Variants in SHKBP1 observed in about 807,000 individuals in gnomAD.
The protein encoded by SHKBP1 is SH3KBP1-binding protein 1.
SHKBP1 carries 71 observed loss-of-function variants against 83.9 expected under a neutral mutation model. The ratio of observed to expected loss-of-function variants is 0.85; its 90% CI spans 0.70 to 1.03. SHKBP1 has a LOEUF of 1.03. Ranked by LOEUF, SHKBP1 falls within the 50% of genes least tolerant of loss-of-function variation. The pLI is 0.00. For missense variants in SHKBP1, 824 were observed against 982.4 expected, an observed-to-expected ratio of 0.84 and a Z score of 2.16; for synonymous variants, 371 against 398.0, an observed-to-expected ratio of 0.93 and a Z score of 0.81.
chr19:40,580,735 C>T lies in SHKBP1; in HGVS notation c.654-11C>T, dbSNP rs771381252. On this transcript the variant is annotated splice_polypyrimidine_tract_variant and intron_variant, in intron 8 of 17. Transcript: ENST00000291842. ...GCGGTGAGGGTTGGTGATGTCCCCT[C>T]GATCCTACAGGTTGAAGGAAGCCTC... 23 of 1,612,558 alleles carry T rather than the reference C, an allele frequency of 1.4e-5. No homozygotes were observed. The highest frequency in any genetic ancestry group is 3.3e-5 in the Admixed American group (2 of 59,924).
chr19:40,590,967 C>T lies in SHKBP1; in HGVS notation c.1893-9C>T, dbSNP rs1272897145. 59 of 1,597,538 alleles carry T rather than the reference C, an allele frequency of 3.7e-5. No individual in the cohort carries two copies. The highest frequency in any genetic ancestry group is 4.8e-5 in the Non-Finnish European group (56 of 1,167,430). On this transcript the variant is annotated splice_polypyrimidine_tract_variant and intron_variant, in intron 17 of 17. Transcript: ENST00000291842. This position sits in a 1 kb window ranked among gnomAD's most constrained non-coding sequence, Gnocchi z 4.6. ...TGATGACGTGCACTTACTGTCCTTA[C>T]TTCCTCAGCCTCCACTCAGCCTCCA...
Position 40,591,141 on chromosome 19 carries a change from G to A in SHKBP1, c.2058G>A (p.Trp686Ter). ...GACGGCCACCCACACCAGCCCCGTG[G>A]CCCTCCAGCGGTCTCGGCACTCCCC... The part of the protein sequence containing the change: ...DLRRPPTPAP[W>*]PSSGLGTPLT... The change falls in exon 18 of 18, where the codon TGG (tryptophan) becomes TGA (stop). Residue 686 changes from tryptophan (W) to a stop codon, truncating the protein, a stop_gained. Coordinates refer to ENST00000291842, the MANE Select transcript of SHKBP1 (RefSeq NM_138392.4). LOFTEE classifies it high-confidence loss of function. 6.2e-7 allele frequency: 1 copy of A among 1,606,652 alleles called. No individual in the cohort carries two copies. Among genetic ancestry groups the A allele is most frequent in the Non-Finnish European group, 8.5e-7 (1 of 1,174,018 alleles).
rs866514678 is a variant in SHKBP1, at chr19:40,588,688, C to T, written c.1401C>T (p.Thr467=). ...CTCGCTTCCGCGGCATGATTTCCAC[C>T]CAGCCCGGCTCCACCCCACTCGCTT... ...SVTRFRGMIS[T]QPGSTPLASF... Residue 467 remains threonine, a synonymous_variant, in exon 14 of 18, where the codon ACC becomes ACT. Transcript: ENST00000291842. 7.4e-6 allele frequency: 12 copies of T among 1,614,072 alleles called. No individual in the cohort carries two copies. In the Middle Eastern group the frequency reaches 1.2e-3, roughly 155 times the overall value.
chr19:40,582,129 C>T (rs2081274988), intron 9 of SHKBP1, among the ~76,000 whole-genome samples: 1 of 152,092 alleles, frequency 6.6e-6, no homozygotes, highest in Admixed American at 6.6e-5. Context: ...ATCATGTTGG[C>T]CAGGCTGGTC....
Position 40,586,883 on chromosome 19 carries a change from C to T in SHKBP1, c.1275C>T (p.Thr425=), listed in dbSNP as rs756387357. The T allele has an allele frequency of 6.2e-7, 1 of 1,612,860 alleles. No homozygotes were observed. The highest frequency in any genetic ancestry group is 8.5e-7 in the Non-Finnish European group (1 of 1,179,272). ...TVGSGPQLFQ[T]FTVHRSPVTK... is the part of the protein sequence containing the mutation. Reference sequence around the variant, plus strand: ...GCTCGGGGCCTCAGCTCTTCCAGACCTTCACTGTGCACCGCAGCCCTGTCA... The same window carrying T: ...GCTCGGGGCCTCAGCTCTTCCAGACTTTCACTGTGCACCGCAGCCCTGTCA... The change falls in exon 13 of 18, where the codon ACC becomes ACT. Residue 425 remains threonine (T), a synonymous_variant. Transcript: ENST00000291842.
intron 13 of SHKBP1, 35 bp downstream of exon 13, chr19:40,586,979 G>C (rs767689748): frequency 6.4e-7 from 1 of 1,553,440 alleles, no homozygotes; most frequent in South Asian, 1.2e-5. Context: ...TGCTGGGAGA[G>C]ACAGCTCAGA....
rs375316977 is a variant in SHKBP1, at chr19:40,577,640, G to C, written c.260+10G>C. 9 of 1,613,884 alleles carry C rather than the reference G, an allele frequency of 5.6e-6. No homozygotes were observed. In the African/African-American group the frequency reaches 1.2e-4, roughly 22 times the overall value. The stretch of plus-strand genomic sequence containing the variant: ...AAGAGTTGGATCCCAGGTTGGCATG[G>C]AAAAAGGGGAGGGAGTCCCTCACTG... On this transcript the variant is annotated intron_variant, in intron 4 of 17. Coordinates refer to ENST00000291842, the MANE Select transcript of SHKBP1 (RefSeq NM_138392.4).
intron 14 of SHKBP1, 92 bp downstream of exon 14, chr19:40,588,871 C>A: frequency 1.3e-6 from 2 of 1,510,064 alleles, no homozygotes; most frequent in South Asian, 1.2e-5. Context: ...CCACCTGACC[C>A]AGGAGCCTGC....
rs777768093 is a variant in SHKBP1 at position 40,580,412 on chromosome 19, G to A, written c.489G>A (p.Thr163=). 1.1e-5 allele frequency: 18 copies of A among 1,614,196 alleles called. No homozygotes were observed. The highest frequency in any genetic ancestry group is 1.2e-5 in the Non-Finnish European group (14 of 1,180,032). ...GRPAPVRRSN[T]MPPNLGNAGL... Reference sequence around the variant, plus strand: ...CAGCCCCTGTCCGACGGAGCAACACGATGCCCCCCAACCTTGGCAATGCAG... The same window carrying A: ...CAGCCCCTGTCCGACGGAGCAACACAATGCCCCCCAACCTTGGCAATGCAG... Residue 163 remains threonine, a synonymous_variant, in exon 7 of 18, where the codon ACG becomes ACA. Coordinates refer to ENST00000291842, the MANE Select transcript of SHKBP1 (RefSeq NM_138392.4).
chr19:40,587,903 C>T (rs1201397074), intron 13 of SHKBP1, among the ~76,000 whole-genome samples: 1 of 152,114 alleles, frequency 6.6e-6, no homozygotes, highest in African/African-American at 2.4e-5. Context: ...GACTCTATCT[C>T]ATAAAATATT....
chr19:40,580,671 A>G lies in SHKBP1; in HGVS notation c.653+15A>G. ...GTCTGCTACAGGTGCTTGGGGAGGG[A>G]GTGGCAGGAGGTCCCAGCCCTGTTG... On this transcript the variant is annotated intron_variant, in intron 8 of 17. Transcript: ENST00000291842. The G allele has an allele frequency of 1.9e-6, 3 of 1,613,874 alleles. No homozygotes were observed. The highest frequency in any genetic ancestry group is 2.5e-6 in the Non-Finnish European group (3 of 1,179,946).
intron 12 of SHKBP1, among the ~76,000 whole-genome samples, 187 bp downstream of exon 12, chr19:40,583,904 A>ATG (rs2081291162): frequency 6.6e-6 from 1 of 151,768 alleles, no homozygotes; most frequent in Admixed American, 6.6e-5. Flanking sequence ...GCAGTGGTGC[A>ATG]ATCTTGGCTC....
chr19:40,585,427 CT>C lies in SHKBP1; in HGVS notation c.1166-1337del, dbSNP rs143651548. 6.6e-3 allele frequency: 969 copies of C among 147,496 alleles called. 14 individuals carry two copies. Among genetic ancestry groups the C allele is most frequent in the African/African-American group, 0.023 (916 of 40,352 alleles). The allele number at this position is 147,496 out of a possible 1,614,324, so 9.1% of individuals were successfully genotyped here. A position where few individuals can be genotyped will look rare whatever the true frequency, so the allele number is the denominator to read the frequency against. On this transcript the variant is annotated intron_variant, in intron 12 of 17. Coordinates refer to ENST00000291842, the MANE Select transcript of SHKBP1 (RefSeq NM_138392.4). ...GGCCATAGCTGCTGCTGCTGCTTTT[CT>C]TTTTTTTTTAAAGCAGAAATAAGTT...
rs113668611 is a variant in SHKBP1 at position 40,590,913 on chromosome 19, C to T, written c.1892+60C>T. 6.1e-4 allele frequency: 963 copies of T among 1,570,420 alleles called. 4 individuals are homozygous for T. The African/African-American group carries it at 0.012, about 19-fold the overall frequency. Reference sequence around the variant, plus strand: ...AGGGGAGAGGGGACAGCATGGTGTTCCCGGGGACAGAGTGGCCCAGCTGCC... The same window carrying T: ...AGGGGAGAGGGGACAGCATGGTGTTTCCGGGGACAGAGTGGCCCAGCTGCC... On this transcript the variant is annotated intron_variant, in intron 17 of 17. Coordinates refer to ENST00000291842, the MANE Select transcript of SHKBP1 (RefSeq NM_138392.4). The surrounding 1 kb of genome is among the most constrained non-coding windows in gnomAD (Gnocchi z 4.6).
At position 40,586,861 on chromosome 19, in the gene SHKBP1, C is replaced by T. The variant is rs139235592; in HGVS notation, c.1253C>T (p.Ser418Leu). Residue 418 changes from serine (S) to leucine (L), a missense_variant, in exon 13 of 18, where the codon TCG (serine) becomes TTG (leucine). By Grantham distance (145) the Ser-to-Leu change is moderately radical (BLOSUM62 -2). This residue lies in a region of SHKBP1 where 182 missense variants were observed against 273.1 expected (regional missense o/e 0.67). Transcript: ENST00000291842. Reference protein sequence around the residue: ...VIVQHPETVGSGPQLFQTFTV... With the variant: ...VIVQHPETVGLGPQLFQTFTV... ...GTGCAGCACCCGGAGACTGTGGGCT[C>T]GGGGCCTCAGCTCTTCCAGACCTTC... 71 of 1,613,014 alleles carry T rather than the reference C, an allele frequency of 4.4e-5. No homozygotes were observed. Among genetic ancestry groups the T allele is most frequent in the African/African-American group, 6.7e-5 (5 of 74,904 alleles).
chr19:40,590,318 G>A lies in SHKBP1; in HGVS notation c.1664G>A (p.Arg555Gln), dbSNP rs1179564283. Reference sequence around the variant, plus strand: ...GTGCTGGAGTGCGAGGGCTCCCGGCGGCTCGGCTCTCGGCCCCGGCGCTAC... The same window carrying A: ...GTGCTGGAGTGCGAGGGCTCCCGGCAGCTCGGCTCTCGGCCCCGGCGCTAC... ...FTVLECEGSR[R>Q]LGSRPRRYLL... The change falls in exon 16 of 18, where the codon CGG becomes CAG. Residue 555 changes from arginine (R) to glutamine (Q), a missense_variant. Arg to Gln is a conservative substitution (Grantham distance 43). Around this residue, in one of 3 missense-constraint regions of SHKBP1, gnomAD observed 287 missense variants for 322.9 expected, o/e 0.89. Coordinates refer to ENST00000291842, the MANE Select transcript of SHKBP1 (RefSeq NM_138392.4). The surrounding 1 kb of genome is among the most constrained non-coding windows in gnomAD (Gnocchi z 4.6). 1 of 1,609,926 alleles carries A rather than the reference G, an allele frequency of 6.2e-7. No individual in the cohort carries two copies. The highest frequency in any genetic ancestry group is 1.7e-5 in the Admixed American group (1 of 59,700).
At chr19:40,580,046 A>C (rs1483181583) in intron 6 of SHKBP1, 1 of 276,008 alleles carries the variant, frequency 3.6e-6, no homozygotes, top group Non-Finnish European at 6.9e-6. Context: ...AAAAAAAAAA[A>C]AAAAAAAACG....
intron 12 of SHKBP1, chr19:40,585,504 C>T (rs1218784015): frequency 6.6e-6 from 1 of 151,200 alleles, no homozygotes; most frequent in Non-Finnish European, 1.5e-5. Flanking sequence ...CTTTGTAAGG[C>T]CCTTTTCTTA....
At position 40,589,176 on chromosome 19, in the gene SHKBP1, G is replaced by C. The variant is rs2081336384; in HGVS notation, c.1587G>C (p.Gln529His). 1.2e-6 allele frequency: 2 copies of C among 1,610,260 alleles called. No individual in the cohort carries two copies. The highest frequency in any genetic ancestry group is 4.5e-5 in the East Asian group (2 of 44,736). Residue 529 changes from glutamine (Q) to histidine (H), a missense_variant and splice_region_variant, in exon 15 of 18, where the codon CAG (glutamine) becomes CAC (histidine). Around this residue, in one of 3 missense-constraint regions of SHKBP1, gnomAD observed 287 missense variants for 322.9 expected, o/e 0.89. Transcript: ENST00000291842. ...TCGTGCGTCTCTCATCTACTGGGCAGCGGTGAGGACAGTCCTGTCCAACAG... is the reference window on the plus strand; with the variant it reads ...TCGTGCGTCTCTCATCTACTGGGCACCGGTGAGGACAGTCCTGTCCAACAG... ...QLFVRLSSTGQRVCSVRSVDG... is the reference protein window; with the variant it reads ...QLFVRLSSTGHRVCSVRSVDG...
Sources: gnomAD v4.1 joint callset for allele counts (sites outside exome capture counted in the v4.1 genomes callset) on GRCh38, gnomAD v4.1.1 for gene constraint, gnomAD v4.1.1 regional missense constraint, Gnocchi (gnomAD v3.1) non-coding constraint, MANE v1.5 for transcripts, NCBI Gene and HGNC (gene_info 2026-07-23, HGNC 2026-07-21) for gene names.